The following PCDHGB1 variants were observed in gnomAD, a reference collection of about 807,000 sequenced individuals.
PCDHGB1 encodes protocadherin gamma-B1.
A neutral mutation model predicts 56.6 loss-of-function variants in PCDHGB1; 34 were observed. That is an observed-to-expected ratio of 0.60 (90% CI 0.46 to 0.80). The LOEUF (loss-of-function observed/expected upper bound fraction) is 0.80. PCDHGB1 is among the 30% of genes least tolerant of loss of function. PCDHGB1 has a pLI of 0.00. For synonymous variants in PCDHGB1, 561 were observed against 505.9 expected, an observed-to-expected ratio of 1.11 and a Z score of -1.46; for missense variants, 1,278 against 1,204.6, an observed-to-expected ratio of 1.06 and a Z score of -0.90.
chr5:141,409,711 A>T (rs768917889), intron 1 of PCDHGB1: 1 of 1,613,204 alleles, frequency 6.2e-7, no homozygotes, highest in Non-Finnish European at 8.5e-7. Flanking sequence ...CGGTGTCGTC[A>T]TACGTGTCAG....
chr5:141,372,791 T>C, intron 1 of PCDHGB1: 2 of 1,600,738 alleles, frequency 1.2e-6, no homozygotes, highest in Non-Finnish European at 8.5e-7. Flanking sequence ...TGCCTTCTAA[T>C]TCAGGCAATT....
chr5:141,386,716 C>A (rs2090679680), intron 1 of PCDHGB1, among the ~76,000 whole-genome samples: 1 of 152,024 alleles, frequency 6.6e-6, no homozygotes. Context: ...TTGCTGACAC[C>A]AACAATGTTA....
intron 1 of PCDHGB1, chr5:141,478,636 T>G: frequency 1.3e-6 from 2 of 1,552,744 alleles, no homozygotes; most frequent in South Asian, 2.4e-5. Flanking sequence ...TTTTTAGTGA[T>G]GAAGATGTTT....
chr5:141,374,114 A>G, intron 1 of PCDHGB1: 1 of 1,580,920 alleles, frequency 6.3e-7, no homozygotes, highest in Non-Finnish European at 8.6e-7. Flanking sequence ...TCCGCAGCGC[A>G]GCGAGCAGGT....
chr5:141,428,052 G>A (rs750852525), intron 1 of PCDHGB1: 6 of 1,608,992 alleles, frequency 3.7e-6, no homozygotes, highest in East Asian at 4.5e-5. Context: ...GACCAAGGTG[G>A]TGGCGGTGGA....
chr5:141,429,239 T>C (rs1344971786), intron 1 of PCDHGB1: 1 of 151,802 alleles, frequency 6.6e-6, no homozygotes, highest in East Asian at 1.9e-4. Context: ...ACTGCTGTCA[T>C]TGAGATATTT....
chr5:141,383,687 C>G, intron 1 of PCDHGB1: 3 of 1,613,968 alleles, frequency 1.9e-6, no homozygotes, highest in Non-Finnish European at 2.5e-6. Flanking sequence ...AGACTGCTCA[C>G]GGTACATGCT....
rs1219684339 is a variant in PCDHGB1, at chr5:141,506,444, CAAAAAAAAAAA to C, written c.2557+974_2557+984del. Among the ~76,000 whole-genome samples, 33 of 95,024 alleles carry C rather than the reference CAAAAAAAAAAA, an allele frequency of 3.5e-4. No individual in the cohort carries two copies. The East Asian group carries it at 0.011, about 31-fold the overall frequency. The allele number at this position is 95,024 out of a possible 152,430, so 62.3% of individuals were successfully genotyped here. On this transcript the variant is annotated intron_variant, in intron 3 of 3. Coordinates refer to ENST00000523390, the MANE Select transcript of PCDHGB1 (RefSeq NM_018922.3). ...CCTGGGCAACAGTCTCGCTCTGTCTCAAAAAAAAAAAAAAAAAAAAAGAGCACAGGCTTTAG... is the reference window on the plus strand; with the variant it reads ...CCTGGGCAACAGTCTCGCTCTGTCTCAAAAAAAAAAGAGCACAGGCTTTAG...
chr5:141,366,450 T>C, intron 1 of PCDHGB1: 6 of 1,614,230 alleles, frequency 3.7e-6, no homozygotes, highest in Non-Finnish European at 5.1e-6. Flanking sequence ...TTCCTGGCCT[T>C]CGTCATCGTG....
Position 141,489,368 on chromosome 5 carries a change from C to T in PCDHGB1, c.2410-5439C>T, listed in dbSNP as rs889945954. The T allele has an allele frequency of 1.2e-5, 20 of 1,613,264 alleles. No homozygotes were observed. The highest frequency in any genetic ancestry group is 1.6e-5 in the Non-Finnish European group (19 of 1,179,484). On this transcript the variant is annotated intron_variant, in intron 1 of 3. Transcript: ENST00000523390. The surrounding 1 kb of genome is among the most constrained non-coding windows in gnomAD (Gnocchi z 4.5). The stretch of plus-strand genomic sequence containing the variant: ...GTGGTGGAGGAGTCTGAGCCGGGGA[C>T]GCTGGTGGGGAATGTTGCTCAGGAT...
chr5:141,430,897 C>T, intron 1 of PCDHGB1: 1 of 1,605,442 alleles, frequency 6.2e-7, no homozygotes, highest in Non-Finnish European at 8.5e-7. Context: ...CTAGGGTGGG[C>T]GACATCTCCA....
intron 1 of PCDHGB1, chr5:141,364,121 G>A: frequency 4.4e-6 from 2 of 459,268 alleles, no homozygotes; most frequent in Non-Finnish European, 7.6e-6. Context: ...GACTCTGAGT[G>A]TCGCTGTTGA....
chr5:141,418,681 C>T (rs778899235), intron 1 of PCDHGB1: 2 of 1,614,052 alleles, frequency 1.2e-6, no homozygotes, highest in Non-Finnish European at 1.7e-6. Flanking sequence ...AGGGCATCAA[C>T]TCAGAGATCA....
At chr5:141,374,511 T>A in intron 1 of PCDHGB1, 2 of 1,611,912 alleles carry the variant, frequency 1.2e-6, no homozygotes, top group Non-Finnish European at 8.5e-7. Flanking sequence ...GTGAAAATTC[T>A]CGAAAACGCA....
intron 1 of PCDHGB1, among the ~76,000 whole-genome samples, chr5:141,401,573 G>A (rs372919699): frequency 4.6e-5 from 7 of 152,128 alleles, no homozygotes; most frequent in East Asian, 3.9e-4. Context: ...TCTCTTGCTC[G>A]GAATCCTGAC....
At position 141,350,827 on chromosome 5, in the gene PCDHGB1, G is replaced by T. The variant is rs763130974; in HGVS notation, c.567G>T (p.Pro189=). The part of the protein sequence containing the change: ...TKESPDGSKY[P]VLLLEKPLDR... ...AAAGTCCTGATGGAAGTAAATATCC[G>T]GTATTACTGCTGGAAAAACCTCTAG... The change falls in exon 1 of 4, where the codon CCG becomes CCT. Residue 189 remains proline, a synonymous_variant. Transcript: ENST00000523390. 6.2e-7 allele frequency: 1 copy of T among 1,613,880 alleles called. No individual in the cohort carries two copies. The highest frequency in any genetic ancestry group is 2.2e-5 in the East Asian group (1 of 44,892).
Position 141,432,394 on chromosome 5 carries a change from C to T in PCDHGB1, c.2410-62413C>T, listed in dbSNP as rs149830124. The T allele has an allele frequency of 1.7e-5, 27 of 1,614,260 alleles. No individual in the cohort carries two copies. The African/African-American group carries it at 2.7e-4, about 16-fold the overall frequency. On this transcript the variant is annotated intron_variant, in intron 1 of 3. Transcript: ENST00000523390. The surrounding 1 kb of genome is among the most constrained non-coding windows in gnomAD (Gnocchi z 6.0). ...ACGGGCACCCGCCCCTCAGCAGCAA[C>T]GTGTCGTTGAGCCTGTTCGTGCTGG...
intron 1 of PCDHGB1, chr5:141,394,111 C>T: frequency 1.9e-6 from 3 of 1,613,936 alleles, no homozygotes; most frequent in African/African-American, 2.7e-5. Flanking sequence ...CCACCTCTGT[C>T]CACTGAAACT....
chr5:141,376,090 C>T (rs372887480), intron 1 of PCDHGB1: 11 of 1,613,674 alleles, frequency 6.8e-6, no homozygotes, highest in Admixed American at 1.7e-5. Context: ...ACAGGATCCC[C>T]GACATCCTGG....
Sources: gnomAD v4.1 joint callset for allele counts (sites outside exome capture counted in the v4.1 genomes callset) on GRCh38, gnomAD v4.1.1 for gene constraint, Gnocchi (gnomAD v3.1) non-coding constraint, MANE v1.5 for transcripts, NCBI Gene and HGNC (gene_info 2026-07-23, HGNC 2026-07-21) for gene names.